The following SCFD2 variants were observed in gnomAD, a reference collection of about 807,000 sequenced individuals.
The protein encoded by SCFD2 is sec1 family domain-containing protein 2.
SCFD2 carries 54 observed loss-of-function variants against 58.9 expected under a neutral mutation model. The ratio of observed to expected loss-of-function variants is 0.92; its 90% confidence interval spans 0.74 to 1.15. The LOEUF (loss-of-function observed/expected upper bound fraction) is 1.15, where lower values mean the gene tolerates loss of function less well. SCFD2 is among the 50% of genes most tolerant of loss of function. SCFD2 has a pLI of 0.00. For synonymous variants in SCFD2, 321 were observed against 335.9 expected, an observed-to-expected ratio of 0.96 and a Z score of 0.49; for missense variants, 805 against 836.6, an observed-to-expected ratio of 0.96 and a Z score of 0.47.
chr4:53,007,306 G>GAGAGAGAGAGAT (rs1721992370), intron 5 of SCFD2, among the ~76,000 whole-genome samples: 1 of 14,024 alleles, frequency 7.1e-5, no homozygotes, highest in African/African-American at 2.3e-4. Context: ...GAGGGAGAGG[G>GAGAGAGAGAGAT]AGAGAGAGAG....
chr4:53,241,169 C>T (rs1307498323), intron 4 of SCFD2, among the ~76,000 whole-genome samples: 1 of 152,196 alleles, frequency 6.6e-6, no homozygotes, highest in African/African-American at 2.4e-5. Flanking sequence ...CAGGAGGAGA[C>T]CCCTCAACCA....
intron 7 of SCFD2, among the ~76,000 whole-genome samples, chr4:52,892,276 C>A (rs1718895373): frequency 6.6e-6 from 1 of 152,182 alleles, no homozygotes; most frequent in Admixed American, 6.5e-5. Context: ...CATCCCTGCC[C>A]CCTTGTCCCC....
At chr4:52,963,970 C>T (rs1456835805) in intron 5 of SCFD2, among the ~76,000 whole-genome samples, 1 of 152,166 alleles carries the variant, frequency 6.6e-6, no homozygotes, top group Admixed American at 6.5e-5. Context: ...GAATGAAGGA[C>T]TAGTCATACA....
chr4:53,269,187 T>G (rs1731084436), intron 4 of SCFD2, among the ~76,000 whole-genome samples: 1 of 151,954 alleles, frequency 6.6e-6, no homozygotes. Flanking sequence ...GAGCCAGGAG[T>G]GCTGGTGCAT....
At chr4:53,250,978 C>A (rs192220258) in intron 4 of SCFD2, among the ~76,000 whole-genome samples, 1 of 151,774 alleles carries the variant, frequency 6.6e-6, no homozygotes, top group Non-Finnish European at 1.5e-5. Context: ...AAAAGATCAA[C>A]AAACTTGATA....
intron 5 of SCFD2, among the ~76,000 whole-genome samples, chr4:53,088,845 T>C (rs1246576774): frequency 1.3e-5 from 2 of 152,142 alleles, no homozygotes; most frequent in African/African-American, 2.4e-5. Context: ...TGGCAGGCTA[T>C]GGATTGAATA....
At chr4:52,875,341 G>A (rs563595065) in intron 8 of SCFD2, among the ~76,000 whole-genome samples, 1 of 152,138 alleles carries the variant, frequency 6.6e-6, no homozygotes, top group Non-Finnish European at 1.5e-5. Context: ...GGCTGGGGGC[G>A]TGATGTGCTT....
At chr4:52,995,497 A>C (rs1262186881) in intron 5 of SCFD2, among the ~76,000 whole-genome samples, 1 of 152,230 alleles carries the variant, frequency 6.6e-6, no homozygotes, top group Non-Finnish European at 1.5e-5. Context: ...CTTCTCTTCT[A>C]GATTCAGTTT....
intron 4 of SCFD2, among the ~76,000 whole-genome samples, chr4:53,250,225 G>A (rs532520656): frequency 2.0e-5 from 3 of 152,302 alleles, no homozygotes; most frequent in African/African-American, 7.2e-5. Context: ...TAATGCTAAA[G>A]GGATCAATGC....
intron 5 of SCFD2, among the ~76,000 whole-genome samples, chr4:53,003,544 T>C (rs1560507080): frequency 6.6e-6 from 1 of 152,192 alleles, no homozygotes; most frequent in Non-Finnish European, 1.5e-5. Flanking sequence ...GTTAGATTTT[T>C]AGAATCTACC....
intron 5 of SCFD2, among the ~76,000 whole-genome samples, chr4:52,963,251 T>C (rs1330886154): frequency 4.6e-5 from 7 of 152,220 alleles, no homozygotes; most frequent in African/African-American, 1.7e-4. Flanking sequence ...GAGATTACTA[T>C]GGGGACCATT....
chr4:53,361,120 G>A (rs1484380816), intron 1 of SCFD2, among the ~76,000 whole-genome samples: 1 of 152,152 alleles, frequency 6.6e-6, no homozygotes, highest in Non-Finnish European at 1.5e-5. Flanking sequence ...CTAGCAGAAG[G>A]ATTCTTAACA....
intron 5 of SCFD2, among the ~76,000 whole-genome samples, chr4:53,069,736 T>TA (rs566832299): frequency 1.2e-3 from 183 of 152,170 alleles, no homozygotes; most frequent in African/African-American, 4.1e-3. Flanking sequence ...CTCTAGACAG[T>TA]AAAAATCACC....
chr4:53,097,674 G>A (rs902307605), intron 5 of SCFD2, among the ~76,000 whole-genome samples: 1 of 152,154 alleles, frequency 6.6e-6, no homozygotes, highest in African/African-American at 2.4e-5. Context: ...GAGACAATTT[G>A]ACTTCCTCTA....
At chr4:52,944,610 T>C (rs1720377689) in intron 5 of SCFD2, among the ~76,000 whole-genome samples, 2 of 152,246 alleles carry the variant, frequency 1.3e-5, no homozygotes, top group South Asian at 4.1e-4. Context: ...GACAAATTTA[T>C]CATCTAAATT....
intron 5 of SCFD2, among the ~76,000 whole-genome samples, chr4:52,975,165 C>CA (rs1721217300): frequency 6.6e-6 from 1 of 152,094 alleles, no homozygotes; most frequent in Non-Finnish European, 1.5e-5. Context: ...CCAAAATTGA[C>CA]AAATGGGATC....
chr4:53,272,784 A>T lies in SCFD2; in HGVS notation c.1311+1042T>A, dbSNP rs558174277. Among the ~76,000 whole-genome samples the T allele has an allele frequency of 2.9e-4, 44 of 152,282 alleles. No individual in the cohort carries two copies. In the South Asian group the frequency reaches 5.6e-3, roughly 19 times the overall value. On this transcript the variant is annotated intron_variant, in intron 4 of 8. Transcript: ENST00000401642. ...GTGAGTTAATGGGTGCAGCACATCAACGTGGCACATGTATACATATGTAAC... is the reference window on the plus strand; with the variant it reads ...GTGAGTTAATGGGTGCAGCACATCATCGTGGCACATGTATACATATGTAAC...
chr4:52,978,662 T>G lies in SCFD2; in HGVS notation c.1562-57792A>C, dbSNP rs143955989. ...GTTGTTTTGGAAAAATAAAGAGGCA[T>G]GTTTTGCTTTAAAAAATGAAGAAAA... On this transcript the variant is annotated intron_variant, in intron 5 of 8. Coordinates refer to ENST00000401642, the MANE Select transcript of SCFD2 (RefSeq NM_152540.4). 3.1e-3 allele frequency among the ~76,000 whole-genome samples: 464 copies of G among 151,452 alleles called. 4 individuals carry two copies. Among genetic ancestry groups the G allele is most frequent in the Middle Eastern group, 0.031 (9 of 294 alleles).
At chr4:52,899,689 G>C (rs896345814) in intron 7 of SCFD2, among the ~76,000 whole-genome samples, 1 of 152,194 alleles carries the variant, frequency 6.6e-6, no homozygotes, top group South Asian at 2.1e-4. Flanking sequence ...GAATTTGAAT[G>C]TTGGCCTGCC....
Sources: allele counts gnomAD v4.1 joint callset (sites outside exome capture counted in the v4.1 genomes callset), GRCh38; gene constraint gnomAD v4.1.1; transcripts MANE v1.5; gene names NCBI Gene and HGNC (gene_info 2026-07-23, HGNC 2026-07-21).